OR51B5: variants seen among roughly 807,000 people sequenced by gnomAD.
OR51B5 encodes the protein olfactory receptor family 51 subfamily B member 5.
For synonymous variants in OR51B5, 186 were observed against 144.8 expected (o/e 1.28, Z -2.04); for missense variants, 456 against 374.6 (o/e 1.22, Z -1.79).
At chr11:5,439,471 G>A (rs1335068365) in intron 1 of OR51B5, among the ~76,000 whole-genome samples, 6 of 152,090 alleles carry the variant, frequency 3.9e-5, no homozygotes, top group Non-Finnish European at 8.8e-5. Context: ...GTCCCAGTTG[G>A]AAACTCCCCG....
intron 1 of OR51B5, among the ~76,000 whole-genome samples, chr11:5,408,340 TTCCCTTCCTCCCTTCC>T (rs67724056): frequency 0.36 from 53,694 of 147,288 alleles, 9,986 homozygotes; most frequent in South Asian, 0.41. Flanking sequence ...CTTTCCTTCC[TTCCCTTCCTCCCTTCC>T]TCCCTTCCTC....
At chr11:5,395,039 T>G (rs1376456240) in intron 1 of OR51B5, among the ~76,000 whole-genome samples, 2 of 152,152 alleles carry the variant, frequency 1.3e-5, no homozygotes, top group African/African-American at 4.8e-5. Flanking sequence ...GAGAAGACAG[T>G]CAAGGATCCT....
chr11:5,366,061 G>T (rs528756068), intron 1 of OR51B5, among the ~76,000 whole-genome samples: 4 of 129,832 alleles, frequency 3.1e-5, no homozygotes, highest in South Asian at 4.8e-4. Context: ...GCATGTTTGG[G>T]GGCTGTTAAT....
At chr11:5,346,052 C>T (rs149013031), upstream of OR51B5, among the ~76,000 whole-genome samples, 7 of 152,314 alleles carry the variant, frequency 4.6e-5, no homozygotes, top group East Asian at 1.9e-4. Flanking sequence ...ACTTCTCTGA[C>T]GTTTCAGCAA....
chr11:5,428,499 C>T (rs1035893846), intron 1 of OR51B5, among the ~76,000 whole-genome samples: 3 of 152,084 alleles, frequency 2.0e-5, no homozygotes, highest in Non-Finnish European at 2.9e-5. Flanking sequence ...GTAAAAAATG[C>T]GACATCTATG....
At chr11:5,379,483 AAAAAAAT>A (rs1171027825) in intron 1 of OR51B5, among the ~76,000 whole-genome samples, 1 of 151,736 alleles carries the variant, frequency 6.6e-6, no homozygotes, top group Non-Finnish European at 1.5e-5. Context: ...TAAAATAAAT[AAAAAAAT>A]AAAAAATAAA....
chr11:5,384,496 C>A (rs1316066587), intron 1 of OR51B5, among the ~76,000 whole-genome samples: 1 of 152,178 alleles, frequency 6.6e-6, no homozygotes, highest in Non-Finnish European at 1.5e-5. Context: ...AGCTCATCTG[C>A]AGTATTCTGT....
intron 1 of OR51B5, among the ~76,000 whole-genome samples, chr11:5,378,942 C>T (rs1589963576): frequency 6.6e-6 from 1 of 150,722 alleles, no homozygotes; most frequent in Non-Finnish European, 1.5e-5. Flanking sequence ...TACCATTTGA[C>T]CCAGCCATCC....
In OR51B5 at chr11:5,502,906, G is replaced by A. The variant is rs116155348; in HGVS notation, n.84+2663C>T. 9.6e-3 allele frequency among the ~76,000 whole-genome samples: 1,461 copies of A among 152,124 alleles called. 22 individuals carry two copies. Among genetic ancestry groups the A allele is most frequent in the African/African-American group, 0.03 (1,252 of 41,492 alleles). The stretch of plus-strand genomic sequence containing the variant: ...GTAGGAAACATATCTAATCTTGTTC[G>A]CCATTGTATTCCTAGCACCAAACAT... On this transcript the variant is annotated intron_variant and non_coding_transcript_variant, in intron 1 of 4. Transcript: ENST00000415970.
At chr11:5,499,324 T>C (rs1851689273) in intron 1 of OR51B5, among the ~76,000 whole-genome samples, 1 of 3,638 alleles carries the variant, frequency 2.7e-4, no homozygotes, top group South Asian at 7.0e-3. Flanking sequence ...TGTGAATTTA[T>C]GAAAACAGGA....
At chr11:5,365,696 A>G (rs1849353864) in intron 1 of OR51B5, among the ~76,000 whole-genome samples, 1 of 152,206 alleles carries the variant, frequency 6.6e-6, no homozygotes, top group African/African-American at 2.4e-5. Flanking sequence ...ATTTTATTCA[A>G]CCCAAACTGA....
chr11:5,472,487 C>T (rs1843898504), intron 1 of OR51B5, among the ~76,000 whole-genome samples: 1 of 152,148 alleles, frequency 6.6e-6, no homozygotes, highest in Non-Finnish European at 1.5e-5. Context: ...CACTGCCAGC[C>T]TCCACCCACT....
intron 1 of OR51B5, among the ~76,000 whole-genome samples, chr11:5,418,328 C>T (rs1295643242): frequency 6.6e-6 from 1 of 151,908 alleles, no homozygotes; most frequent in African/African-American, 2.4e-5. Flanking sequence ...GTGGGTGCAG[C>T]GCACCAGCAT....
chr11:5,497,210 TTAA>T (rs1440941661), intron 1 of OR51B5, among the ~76,000 whole-genome samples: 1 of 152,148 alleles, frequency 6.6e-6, no homozygotes, highest in Non-Finnish European at 1.5e-5. Flanking sequence ...TATTGACATG[TTAA>T]TAATCTCTTC....
At chr11:5,403,205 C>T (rs774360993) in intron 1 of OR51B5, 1 of 471,302 alleles carries the variant, frequency 2.1e-6, no homozygotes, top group Non-Finnish European at 4.4e-6. Flanking sequence ...ATGGGATTTT[C>T]ATTGTTACCT....
chr11:5,364,328 G>A (rs1251393893), intron 1 of OR51B5, among the ~76,000 whole-genome samples: 1 of 152,146 alleles, frequency 6.6e-6, no homozygotes, highest in East Asian at 1.9e-4. Context: ...TTGGAATTTG[G>A]GGTGATATGG....
rs1045066615 is a variant in OR51B5 at position 5,420,134 on chromosome 11, A to G, written n.85-73224T>C. Among the ~76,000 whole-genome samples the G allele has an allele frequency of 2.6e-5, 4 of 152,110 alleles. No homozygotes were observed. The South Asian group carries it at 8.3e-4, about 32-fold the overall frequency. On this transcript the variant is annotated intron_variant and non_coding_transcript_variant, in intron 1 of 4. Coordinates refer to the OR51B5 transcript ENST00000415970. ...TATTACATAAAAGTCTATTTTCATTAAAAGGTTTTATCCTTATTTAAAATT... is the reference window on the plus strand; with the variant it reads ...TATTACATAAAAGTCTATTTTCATTGAAAGGTTTTATCCTTATTTAAAATT...
At chr11:5,374,154 C>A (rs947203955) in intron 1 of OR51B5, among the ~76,000 whole-genome samples, 2 of 152,212 alleles carry the variant, frequency 1.3e-5, no homozygotes, top group Non-Finnish European at 2.9e-5. Flanking sequence ...AACGATCAGA[C>A]AGCAGCATTC....
chr11:5,354,354 A>G (rs1036819255), intron 1 of OR51B5, among the ~76,000 whole-genome samples: 3 of 152,372 alleles, frequency 2.0e-5, no homozygotes, highest in East Asian at 1.9e-4. Context: ...AAAGATAACT[A>G]GGATAACAAT....
Sources: allele counts gnomAD v4.1 joint callset (sites outside exome capture counted in the v4.1 genomes callset), GRCh38; gene constraint gnomAD v4.1.1; transcripts MANE v1.5; gene names NCBI Gene and HGNC (gene_info 2026-07-23, HGNC 2026-07-21).